The following CNTN5 variants were observed in gnomAD, a reference collection of about 807,000 sequenced individuals.
The protein encoded by CNTN5 is contactin-5.
A neutral mutation model predicts 129.1 loss-of-function variants in CNTN5; 77 were observed. The observed-to-expected ratio is 0.60, with a 90% CI of 0.50 to 0.72. The LOEUF is 0.72. Ranked by LOEUF, CNTN5 falls within the 30% of genes least tolerant of loss-of-function variation. The pLI is 0.00. For synonymous variants in CNTN5, 509 were observed against 465.6 expected, an observed-to-expected ratio of 1.09 and a Z score of -1.20; for missense variants, 1,478 against 1,328.8, an observed-to-expected ratio of 1.11 and a Z score of -1.75.
chr11:100,081,801 C>T (rs992612079), intron 13 of CNTN5, among the ~76,000 whole-genome samples: 2 of 152,184 alleles, frequency 1.3e-5, no homozygotes, highest in Admixed American at 1.3e-4. Flanking sequence ...AATTGACAAA[C>T]ATCTCACCTC....
intron 6 of CNTN5, among the ~76,000 whole-genome samples, chr11:99,856,428 T>C (rs1273793939): frequency 1.3e-5 from 2 of 152,184 alleles, no homozygotes; most frequent in African/African-American, 2.4e-5. Flanking sequence ...GGACTTTCAA[T>C]CTATTCTACA....
At chr11:99,602,489 G>C (rs1319639150) in intron 3 of CNTN5, among the ~76,000 whole-genome samples, 1 of 152,016 alleles carries the variant, frequency 6.6e-6, no homozygotes, top group African/African-American at 2.4e-5. Flanking sequence ...CAATTGTATT[G>C]ATCAGGCACA....
chr11:99,960,837 A>G (rs145016676), intron 8 of CNTN5, among the ~76,000 whole-genome samples: 10 of 152,240 alleles, frequency 6.6e-5, no homozygotes, highest in African/African-American at 2.4e-4. Flanking sequence ...ACATTACATT[A>G]GGAGGGTAAA....
intron 13 of CNTN5, among the ~76,000 whole-genome samples, chr11:100,189,972 C>A (rs913412068): frequency 1.3e-5 from 2 of 152,000 alleles, no homozygotes; most frequent in Admixed American, 1.3e-4. Flanking sequence ...AATTCCTGGG[C>A]AGTTTTTTTC....
intron 2 of CNTN5, among the ~76,000 whole-genome samples, chr11:99,443,371 G>A (rs769940538): frequency 1.3e-5 from 2 of 152,152 alleles, no homozygotes; most frequent in South Asian, 2.1e-4. Flanking sequence ...CAAATGAATT[G>A]TTGTTATTGA....
At chr11:99,213,519 G>T (rs1158916659) in intron 1 of CNTN5, among the ~76,000 whole-genome samples, 3 of 149,212 alleles carry the variant, frequency 2.0e-5, no homozygotes, top group Admixed American at 6.7e-5. Context: ...TTTCCTGAGG[G>T]TTGGCTCTTT....
chr11:99,099,403 C>A (rs1425144852), intron 1 of CNTN5, among the ~76,000 whole-genome samples: 1 of 152,078 alleles, frequency 6.6e-6, no homozygotes, highest in African/African-American at 2.4e-5. Flanking sequence ...GTATTGATAT[C>A]TGAGTCTTTT....
chr11:99,346,078 G>A (rs900923237), intron 2 of CNTN5, among the ~76,000 whole-genome samples: 3 of 152,058 alleles, frequency 2.0e-5, no homozygotes, highest in African/African-American at 4.8e-5. Context: ...TTTGTCCATA[G>A]GCGTAAATTC....
At chr11:99,789,937 T>C (rs1342657944) in intron 3 of CNTN5, among the ~76,000 whole-genome samples, 1 of 152,032 alleles carries the variant, frequency 6.6e-6, no homozygotes, top group Admixed American at 6.6e-5. Flanking sequence ...CCTGCTTCTC[T>C]CCTTTAGTAA....
intron 3 of CNTN5, among the ~76,000 whole-genome samples, chr11:99,742,181 TC>T (rs1300379663): frequency 1.2e-4 from 19 of 152,180 alleles, no homozygotes; most frequent in African/African-American, 3.9e-4. Context: ...GGATGGACAG[TC>T]CAAGTCCCAG....
chr11:99,651,608 T>C (rs925031212), intron 3 of CNTN5, among the ~76,000 whole-genome samples: 6 of 151,996 alleles, frequency 3.9e-5, no homozygotes, highest in African/African-American at 1.4e-4. Flanking sequence ...ATCAAATCTG[T>C]GTTTCATCTA....
At chr11:99,274,586 T>A (rs1242517964) in intron 1 of CNTN5, among the ~76,000 whole-genome samples, 2 of 151,510 alleles carry the variant, frequency 1.3e-5, no homozygotes, top group African/African-American at 2.4e-5. Flanking sequence ...TTTTTATGCT[T>A]TCATAACAGT....
chr11:99,209,479 T>C (rs941897890), intron 1 of CNTN5, among the ~76,000 whole-genome samples: 3 of 15,498 alleles, frequency 1.9e-4, no homozygotes, highest in African/African-American at 1.3e-3. Context: ...AAGTAGATCT[T>C]GCATGAACAG....
intron 2 of CNTN5, among the ~76,000 whole-genome samples, chr11:99,519,176 T>C (rs564428890): frequency 6.6e-6 from 1 of 152,196 alleles, no homozygotes; most frequent in Non-Finnish European, 1.5e-5. Context: ...GTGTACATGA[T>C]GTTCTCTGTG....
intron 21 of CNTN5, among the ~76,000 whole-genome samples, chr11:100,315,810 C>G (rs1951563061): frequency 6.6e-6 from 1 of 152,162 alleles, no homozygotes; most frequent in Non-Finnish European, 1.5e-5. Flanking sequence ...TGGTTACCTA[C>G]ATGGCATTAG....
chr11:99,377,796 T>G (rs555605274), intron 2 of CNTN5, among the ~76,000 whole-genome samples: 1 of 152,264 alleles, frequency 6.6e-6, no homozygotes. Context: ...TCACTTAGTC[T>G]TAGAGAAGAC....
At chr11:99,727,242 C>G (rs1943374918) in intron 3 of CNTN5, among the ~76,000 whole-genome samples, 1 of 136,356 alleles carries the variant, frequency 7.3e-6, no homozygotes, top group African/African-American at 2.8e-5. Context: ...GGAAGCGGAG[C>G]TTGCAGTGAG....
intron 1 of CNTN5, among the ~76,000 whole-genome samples, chr11:99,320,076 C>T (rs1257780749): frequency 1.3e-5 from 2 of 152,042 alleles, no homozygotes; most frequent in African/African-American, 2.4e-5. Context: ...ACCGTCTCTA[C>T]TGAAAATACA....
chr11:99,279,114 T>A (rs1247985935), intron 1 of CNTN5, among the ~76,000 whole-genome samples: 3 of 151,834 alleles, frequency 2.0e-5, no homozygotes, highest in Non-Finnish European at 1.5e-5. Flanking sequence ...AACCATTTGG[T>A]GTTTTGTTAT....
Sources: allele counts gnomAD v4.1 joint callset (sites outside exome capture counted in the v4.1 genomes callset), GRCh38; gene constraint gnomAD v4.1.1; transcripts MANE v1.5; gene names NCBI Gene and HGNC (gene_info 2026-07-23, HGNC 2026-07-21).